The following MYO3B variants were observed in gnomAD, a reference collection of about 807,000 sequenced individuals.
The protein encoded by MYO3B is myosin-IIIb.
Under a neutral mutation model 174.6 loss-of-function variants are expected in MYO3B, and 156 were observed. The ratio of observed to expected loss-of-function variants is 0.89; its 90% CI spans 0.78 to 1.02. The LOEUF (loss-of-function observed/expected upper bound fraction) is 1.02, where lower values mean the gene tolerates loss of function less well. Ranked by LOEUF, MYO3B falls within the 50% of genes least tolerant of loss-of-function variation. The pLI is 0.00. For missense variants in MYO3B, 1,632 were observed against 1,639.4 expected (o/e 1.00, Z 0.08); for synonymous variants, 563 against 569.1 (o/e 0.99, Z 0.15).
chr2:170,444,105 A>G (rs1574988325), intron 23 of MYO3B, 59 bp downstream of exon 23: 1 of 1,472,538 alleles, frequency 6.8e-7, no homozygotes, highest in Non-Finnish European at 9.5e-7. Flanking sequence ...TGACCCAGGG[A>G]TAATCTTAGA....
intron 22 of MYO3B, among the ~76,000 whole-genome samples, chr2:170,442,542 T>C (rs996836079): frequency 5.3e-5 from 8 of 151,352 alleles, no homozygotes; most frequent in Non-Finnish European, 1.0e-4. Flanking sequence ...CTAGGATACA[T>C]GTGCACAACG....
chr2:170,637,536 T>G (rs1239550097), intron 32 of MYO3B, among the ~76,000 whole-genome samples: 1 of 152,082 alleles, frequency 6.6e-6, no homozygotes, highest in Admixed American at 6.5e-5. Context: ...TGTTGAGAAA[T>G]CTTGAGTCCA....
intron 6 of MYO3B, among the ~76,000 whole-genome samples, chr2:170,225,362 A>G (rs546572793): frequency 6.6e-6 from 1 of 152,342 alleles, no homozygotes; most frequent in South Asian, 2.1e-4. Context: ...TTTAACCACT[A>G]TACCACAGCA....
chr2:170,195,526 C>T (rs141425671), intron 1 of MYO3B, among the ~76,000 whole-genome samples: 37 of 152,230 alleles, frequency 2.4e-4, no homozygotes, highest in African/African-American at 6.3e-4. Context: ...GTAAAATCCC[C>T]GCATTCACCA....
At chr2:170,500,413 C>A (rs1575079816) in intron 27 of MYO3B, among the ~76,000 whole-genome samples, 1 of 152,246 alleles carries the variant, frequency 6.6e-6, no homozygotes, top group South Asian at 2.1e-4. Context: ...ATCAGTTTCT[C>A]CTGGTTGAGG....
intron 6 of MYO3B, among the ~76,000 whole-genome samples, chr2:170,230,540 T>C (rs1337358568): frequency 6.6e-6 from 1 of 151,780 alleles, no homozygotes; most frequent in Non-Finnish European, 1.5e-5. Context: ...TGATAAAGAA[T>C]CCCAGCAGTC....
chr2:170,644,052 A>C (rs756127753), intron 32 of MYO3B: 3 of 152,224 alleles, frequency 2.0e-5, no homozygotes, highest in East Asian at 1.9e-4. Context: ...GAGTAGAAGA[A>C]GACATTTTCT....
At chr2:170,474,381 C>T (rs1685176292) in intron 25 of MYO3B, among the ~76,000 whole-genome samples, 1 of 151,854 alleles carries the variant, frequency 6.6e-6, no homozygotes, top group African/African-American at 2.4e-5. Flanking sequence ...GGAGTCAACC[C>T]CACTTGAACC....
At chr2:170,291,320 C>T (rs1284801583) in intron 7 of MYO3B, among the ~76,000 whole-genome samples, 1 of 16,946 alleles carries the variant, frequency 5.9e-5, no homozygotes, top group Non-Finnish European at 1.3e-4. Flanking sequence ...TTAACTGCAT[C>T]CCCCCCAAAT....
In MYO3B at chr2:170,580,718, A is replaced by ATATATATATATG. The variant is rs768974458; in HGVS notation, c.3733+36731_3733+36732insATATATATATGT. ...CTTCAGGTCCCACAAAACCTTATAT[A>ATATATATATATG]TGTGTGTGTGTGTGTGTGTGTGTGT... On this transcript the variant is annotated intron_variant, in intron 32 of 34. Transcript: ENST00000408978. Among the ~76,000 whole-genome samples the ATATATATATATG allele has an allele frequency of 4.1e-3, 583 of 142,762 alleles. 4 individuals carry two copies. The highest frequency in any genetic ancestry group is 5.8e-3 in the Non-Finnish European group (382 of 65,664). 93.7% of individuals were successfully genotyped at this position (142,762 alleles called of 152,430 possible).
intron 32 of MYO3B, among the ~76,000 whole-genome samples, chr2:170,551,219 G>A (rs754308269): frequency 1.8e-4 from 28 of 151,896 alleles, no homozygotes; most frequent in Non-Finnish European, 4.0e-4. Flanking sequence ...TGCTGTTAAA[G>A]GTTATTTCCA....
At chr2:170,565,804 G>A (rs1692036760) in intron 32 of MYO3B, among the ~76,000 whole-genome samples, 1 of 152,192 alleles carries the variant, frequency 6.6e-6, no homozygotes, top group Admixed American at 6.5e-5. Flanking sequence ...GGTTACTCTT[G>A]TGATTTATGT....
At chr2:170,401,802 C>CTT (rs769531863) in intron 18 of MYO3B, 111 bp downstream of exon 18, 8,258 of 689,100 alleles carry the variant, frequency 0.012, 37 homozygotes, top group African/African-American at 0.035. Context: ...CTTTCTTTTT[C>CTT]TTTTTTTTTT....
intron 1 of MYO3B, among the ~76,000 whole-genome samples, chr2:170,195,623 G>A (rs547630299): frequency 5.3e-5 from 8 of 152,246 alleles, no homozygotes; most frequent in Non-Finnish European, 8.8e-5. Flanking sequence ...CACTTAAGCC[G>A]TCTGTGGACA....
intron 22 of MYO3B, among the ~76,000 whole-genome samples, chr2:170,441,739 G>A (rs2094802462): frequency 6.6e-6 from 1 of 152,188 alleles, no homozygotes; most frequent in Non-Finnish European, 1.5e-5. Flanking sequence ...TGGAGATGGT[G>A]GGAGTGTCTT....
chr2:170,572,607 CAAAAA>C (rs574487856), intron 32 of MYO3B, among the ~76,000 whole-genome samples: 1 of 124,030 alleles, frequency 8.1e-6, no homozygotes, highest in Non-Finnish European at 1.7e-5. Context: ...GACCCTATAT[CAAAAA>C]AAAAAAAAAA....
intron 3 of MYO3B, among the ~76,000 whole-genome samples, chr2:170,208,116 T>G (rs1388060549): frequency 6.6e-6 from 1 of 152,230 alleles, no homozygotes; most frequent in East Asian, 1.9e-4. Flanking sequence ...AAACCAGTCA[T>G]GCTCACCTGT....
Position 170,400,206 on chromosome 2 carries a change from A to G in MYO3B, c.1810A>G (p.Arg604Gly). ...FTDKEVHSVY[R>G]ILAGILNIGN... ...TTTTCAGGAGGTGCACTCAGTGTACAGAATTTTGGCTGGGATTTTGAATAT... is the reference window on the plus strand; with the variant it reads ...TTTTCAGGAGGTGCACTCAGTGTACGGAATTTTGGCTGGGATTTTGAATAT... The change falls in exon 17 of 35, where the codon AGA (arginine) becomes GGA (glycine). Residue 604 changes from arginine (R) to glycine (G), a missense_variant. Coordinates refer to ENST00000408978, the MANE Select transcript of MYO3B (RefSeq NM_138995.5). 1.2e-6 allele frequency: 2 copies of G among 1,614,088 alleles called. No individual in the cohort carries two copies. Among genetic ancestry groups the G allele is most frequent in the Non-Finnish European group, 1.7e-6 (2 of 1,179,998 alleles).
chr2:170,643,477 CCTTT>C (rs1559194189), intron 32 of MYO3B, among the ~76,000 whole-genome samples: 1 of 152,110 alleles, frequency 6.6e-6, no homozygotes, highest in African/African-American at 2.4e-5. Context: ...GAGTGATGCA[CCTTT>C]CTTTATGCAC....
Sources: gnomAD v4.1 joint callset for allele counts (sites outside exome capture counted in the v4.1 genomes callset) on GRCh38, gnomAD v4.1.1 for gene constraint, MANE v1.5 for transcripts, NCBI Gene and HGNC (gene_info 2026-07-23, HGNC 2026-07-21) for gene names.